DLG2: variants seen among roughly 807,000 people sequenced by gnomAD.
DLG2 encodes the protein discs large MAGUK scaffold protein 2.
Under a neutral mutation model 132.5 loss-of-function variants are expected in DLG2, and 45 were observed. The observed-to-expected ratio is 0.34, with a 90% confidence interval of 0.27 to 0.44. The LOEUF (loss-of-function observed/expected upper bound fraction) is 0.44, where lower values mean the gene tolerates loss of function less well. DLG2 is among the 20% of genes least tolerant of loss of function. DLG2 has a pLI of 1.00. For missense variants in DLG2, 1,045 were observed against 1,196.9 expected, an observed-to-expected ratio of 0.87 and a Z score of 1.87; for synonymous variants, 424 against 419.6, an observed-to-expected ratio of 1.01 and a Z score of -0.13.
At chr11:83,740,638 T>C (rs752581831) in intron 18 of DLG2, among the ~76,000 whole-genome samples, 96 of 152,322 alleles carry the variant, frequency 6.3e-4, no homozygotes, top group Middle Eastern at 3.4e-3. Context: ...GTCTATATGC[T>C]ATCAATACAA....
chr11:84,194,313 T>C (rs991660432), intron 8 of DLG2, among the ~76,000 whole-genome samples: 1 of 152,140 alleles, frequency 6.6e-6, no homozygotes, highest in Admixed American at 6.5e-5. Flanking sequence ...CCTCTGGAGT[T>C]TGTTCCTTCA....
chr11:85,464,950 T>C (rs1162525443), intron 3 of DLG2, among the ~76,000 whole-genome samples: 1 of 151,146 alleles, frequency 6.6e-6, no homozygotes, highest in Non-Finnish European at 1.5e-5. Flanking sequence ...CACAGGAACT[T>C]GTAATCCCAG....
At chr11:85,355,054 C>A (rs2083587810) in intron 3 of DLG2, among the ~76,000 whole-genome samples, 1 of 151,922 alleles carries the variant, frequency 6.6e-6, no homozygotes, top group Non-Finnish European at 1.5e-5. Context: ...AATATATTTT[C>A]TATTTATAAT....
intron 7 of DLG2, among the ~76,000 whole-genome samples, chr11:84,375,232 GTTC>G (rs1397308490): frequency 6.6e-6 from 1 of 152,072 alleles, no homozygotes; most frequent in East Asian, 1.9e-4. Flanking sequence ...TAAAAGAAGG[GTTC>G]TTGTCTTATT....
At chr11:85,007,820 C>T (rs1212730224) in intron 6 of DLG2, among the ~76,000 whole-genome samples, 1 of 151,910 alleles carries the variant, frequency 6.6e-6, no homozygotes, top group Non-Finnish European at 1.5e-5. Context: ...GTTAGACCAC[C>T]CTCTTTTGTG....
chr11:83,730,256 T>G (rs1321564395), intron 18 of DLG2, among the ~76,000 whole-genome samples: 5 of 151,894 alleles, frequency 3.3e-5, no homozygotes, highest in Non-Finnish European at 5.9e-5. Flanking sequence ...TAATACCTCT[T>G]TGTCAGAAAC....
At chr11:84,430,250 A>C (rs1196126430) in intron 7 of DLG2, among the ~76,000 whole-genome samples, 2 of 152,114 alleles carry the variant, frequency 1.3e-5, no homozygotes, top group Non-Finnish European at 2.9e-5. Context: ...ATCCTGGCCA[A>C]CATGGTGAAA....
chr11:84,495,949 C>T (rs549410728), intron 7 of DLG2, among the ~76,000 whole-genome samples: 1 of 152,248 alleles, frequency 6.6e-6, no homozygotes, highest in Admixed American at 6.5e-5. Context: ...CTTGTGGTGG[C>T]TTTCAGGTCC....
chr11:84,235,227 G>A (rs554615414), intron 8 of DLG2, among the ~76,000 whole-genome samples: 39 of 152,284 alleles, frequency 2.6e-4, no homozygotes, highest in African/African-American at 8.7e-4. Context: ...ACAAACAAAT[G>A]TATTGATTGA....
At chr11:85,584,686 G>A (rs758837444) in intron 3 of DLG2, among the ~76,000 whole-genome samples, 31 of 151,852 alleles carry the variant, frequency 2.0e-4, no homozygotes, top group Non-Finnish European at 2.7e-4. Context: ...TTTTAAATAT[G>A]GCCATTCTTG....
chr11:84,798,261 G>A (rs1488900930), intron 6 of DLG2, among the ~76,000 whole-genome samples: 2 of 152,156 alleles, frequency 1.3e-5, no homozygotes, highest in Non-Finnish European at 2.9e-5. Context: ...CCTTCAGTGT[G>A]ACAAGTTGCT....
At chr11:85,111,618 C>T in intron 6 of DLG2, 43 bp downstream of exon 6, 1 of 1,472,464 alleles carries the variant, frequency 6.8e-7, no homozygotes, top group Non-Finnish European at 9.2e-7. Flanking sequence ...AATATAAAAA[C>T]ATTTATCCTT....
At chr11:83,808,080 G>C (rs766796054) in intron 17 of DLG2, among the ~76,000 whole-genome samples, 8 of 151,926 alleles carry the variant, frequency 5.3e-5, no homozygotes, top group East Asian at 3.9e-4. Flanking sequence ...CAGCAGCCTC[G>C]TGCCGGTCAT....
intron 5 of DLG2, among the ~76,000 whole-genome samples, chr11:85,136,032 C>T (rs921604386): frequency 1.3e-5 from 2 of 152,138 alleles, no homozygotes; most frequent in African/African-American, 2.4e-5. Context: ...GAATTGCGTG[C>T]ACTCTATTGT....
chr11:84,608,816 A>T (rs1001898079), intron 6 of DLG2, among the ~76,000 whole-genome samples: 9 of 152,210 alleles, frequency 5.9e-5, no homozygotes, highest in African/African-American at 2.2e-4. Flanking sequence ...TTAAATACTG[A>T]TAAGTATATG....
chr11:85,154,773 T>C (rs901427247), intron 4 of DLG2, 122 bp from the exon 5 acceptor site: 14 of 560,080 alleles, frequency 2.5e-5, no homozygotes, highest in East Asian at 9.2e-5. Context: ...ATGTTGCTTA[T>C]TTCAATTTTA....
intron 6 of DLG2, among the ~76,000 whole-genome samples, chr11:84,584,781 C>T (rs978099986): frequency 3.5e-5 from 5 of 144,348 alleles, no homozygotes; most frequent in African/African-American, 7.8e-5. Context: ...CTCTGCCTCC[C>T]GGGTTCACGC....
At chr11:84,838,270 A>G (rs182146527) in intron 6 of DLG2, among the ~76,000 whole-genome samples, 23 of 152,012 alleles carry the variant, frequency 1.5e-4, no homozygotes, top group Admixed American at 9.9e-4. Context: ...CCAGCTATTT[A>G]CTAGGAGTTC....
chr11:84,243,756 C>A (rs982668288), intron 8 of DLG2, among the ~76,000 whole-genome samples: 11 of 152,140 alleles, frequency 7.2e-5, no homozygotes, highest in African/African-American at 2.7e-4. Context: ...TGGCCCAACT[C>A]CTGAACTAGC....
Sources: allele counts gnomAD v4.1 joint callset (sites outside exome capture counted in the v4.1 genomes callset), GRCh38; gene constraint gnomAD v4.1.1; transcripts MANE v1.5; gene names NCBI Gene and HGNC (gene_info 2026-07-23, HGNC 2026-07-21).